Variants in RFC3 observed in about 807,000 individuals in gnomAD.
RFC3 encodes the protein replication factor C subunit 3, also known as A1 38 kDa subunit.
RFC3 carries 41 observed loss-of-function variants against 45.1 expected under a neutral mutation model. That is an observed-to-expected ratio of 0.91 (90% CI 0.71 to 1.18). The LOEUF is 1.18. RFC3 is among the 50% of genes most tolerant of loss of function. The pLI is 0.00. For synonymous variants in RFC3, 149 were observed against 144.0 expected (o/e 1.03, Z -0.25); for missense variants, 423 against 428.1 (o/e 0.99, Z 0.10).
chr13:33,888,803 T>C (rs2082544430), intron 8 of RFC3, among the ~76,000 whole-genome samples: 1 of 151,548 alleles, frequency 6.6e-6, no homozygotes, highest in Non-Finnish European at 1.5e-5. Flanking sequence ...TGGAGTACAG[T>C]GGCACAAACT....
At chr13:33,904,969 T>A (rs2082663365) in intron 8 of RFC3, among the ~76,000 whole-genome samples, 2 of 152,046 alleles carry the variant, frequency 1.3e-5, no homozygotes, top group South Asian at 4.1e-4. Context: ...AACAATGGAA[T>A]GATAAATACA....
At chr13:33,949,154 G>A (rs1398153577) in intron 8 of RFC3, among the ~76,000 whole-genome samples, 1 of 152,072 alleles carries the variant, frequency 6.6e-6, no homozygotes, top group African/African-American at 2.4e-5. Flanking sequence ...GAGCATGGGG[G>A]CAGTTTCCCC....
chr13:33,903,004 C>T (rs902780356), intron 8 of RFC3, among the ~76,000 whole-genome samples: 4 of 152,112 alleles, frequency 2.6e-5, no homozygotes, highest in African/African-American at 9.7e-5. Context: ...TCCTGGGCCG[C>T]ATGTGGCCTG....
intron 8 of RFC3, among the ~76,000 whole-genome samples, chr13:33,868,960 C>T (rs1224882545): frequency 2.6e-5 from 4 of 152,134 alleles, no homozygotes; most frequent in Non-Finnish European, 5.9e-5. Flanking sequence ...TGGTACAAAG[C>T]CAGGTGAGAA....
At chr13:33,870,735 T>G (rs1003169547) in intron 8 of RFC3, among the ~76,000 whole-genome samples, 6 of 149,644 alleles carry the variant, frequency 4.0e-5, no homozygotes, top group African/African-American at 1.5e-4. Flanking sequence ...GACCATTGTT[T>G]TTGTTTGTTT....
chr13:33,942,844 T>C (rs2082933225), intron 8 of RFC3, among the ~76,000 whole-genome samples: 2 of 152,180 alleles, frequency 1.3e-5, no homozygotes, highest in Admixed American at 6.6e-5. Context: ...CTAAATTCCC[T>C]GGAGAAAATC....
intron 8 of RFC3, among the ~76,000 whole-genome samples, chr13:33,912,930 G>T (rs1429020154): frequency 6.6e-6 from 1 of 151,994 alleles, no homozygotes; most frequent in East Asian, 1.9e-4. Context: ...ATGAGAGAGA[G>T]AAATCATAGA....
At chr13:33,844,004 T>C (rs2082219113) in intron 8 of RFC3, among the ~76,000 whole-genome samples, 1 of 152,190 alleles carries the variant, frequency 6.6e-6, no homozygotes, top group Admixed American at 6.5e-5. Context: ...AAGCTTCCCA[T>C]CTTGTTGGGT....
At chr13:33,903,700 A>G (rs1354910238) in intron 8 of RFC3, among the ~76,000 whole-genome samples, 1 of 151,992 alleles carries the variant, frequency 6.6e-6, no homozygotes, top group Non-Finnish European at 1.5e-5. Flanking sequence ...CTGCAGTTGT[A>G]TTACTTTCCC....
At chr13:33,918,330 G>A (rs2082746279) in intron 8 of RFC3, among the ~76,000 whole-genome samples, 2 of 152,138 alleles carry the variant, frequency 1.3e-5, no homozygotes, top group South Asian at 4.1e-4. Flanking sequence ...CTTCGCTACA[G>A]TACCAGTCCT....
chr13:33,901,503 A>G (rs897702991), intron 8 of RFC3, among the ~76,000 whole-genome samples: 4 of 152,024 alleles, frequency 2.6e-5, no homozygotes, highest in Non-Finnish European at 5.9e-5. Context: ...TCATGGAGAT[A>G]GAGAGTAGAC....
chr13:33,942,271 A>G (rs2082929335), intron 8 of RFC3, among the ~76,000 whole-genome samples: 3 of 152,142 alleles, frequency 2.0e-5, no homozygotes, highest in Non-Finnish European at 2.9e-5. Flanking sequence ...ATTAGCAACA[A>G]TAATGACTAA....
At chr13:33,843,047 C>T (rs1056806788) in intron 8 of RFC3, among the ~76,000 whole-genome samples, 12 of 152,020 alleles carry the variant, frequency 7.9e-5, no homozygotes, top group Admixed American at 1.3e-4. Context: ...CAAATTATAG[C>T]ACTTAATCAC....
chr13:33,972,874 A>G, the RFC3 span, among the ~76,000 whole-genome samples: 1 of 152,204 alleles, frequency 6.6e-6, no homozygotes, highest in East Asian at 1.9e-4. Context: ...ATGTATACAT[A>G]AAGAGTGCAT....
In RFC3 at chr13:33,957,733, A is replaced by G. The variant is rs573218067; in HGVS notation, c.880-8354A>G. On this transcript the variant is annotated intron_variant, in intron 8 of 8. Coordinates refer to the RFC3 transcript ENST00000434425. ...AGCCCACTGCATTGATTGGCCCAGA[A>G]CCCAATGTAGTCAAACGTGAAGGTC... Among the ~76,000 whole-genome samples the G allele has an allele frequency of 7.9e-5, 12 of 152,208 alleles. No individual in the cohort carries two copies. In the South Asian group the frequency reaches 1.5e-3, roughly 18 times the overall value.
chr13:33,945,161 C>T (rs2082947362), intron 8 of RFC3, among the ~76,000 whole-genome samples: 2 of 152,180 alleles, frequency 1.3e-5, no homozygotes, highest in African/African-American at 4.8e-5. Flanking sequence ...GCCTTTGCCT[C>T]ATATTCTTTC....
At chr13:33,930,501 C>T (rs1434638781) in intron 8 of RFC3, among the ~76,000 whole-genome samples, 1 of 152,124 alleles carries the variant, frequency 6.6e-6, no homozygotes, top group Non-Finnish European at 1.5e-5. Flanking sequence ...TTATACTAGC[C>T]AGGCTGGCAG....
downstream of RFC3, among the ~76,000 whole-genome samples, chr13:33,969,645 C>T (rs1303471652): frequency 2.0e-5 from 3 of 152,092 alleles, no homozygotes; most frequent in African/African-American, 7.2e-5. Flanking sequence ...TAGAAGAGCA[C>T]AATAGAAAGA....
chr13:33,937,473 A>G (rs536500014), intron 8 of RFC3, among the ~76,000 whole-genome samples: 22 of 152,300 alleles, frequency 1.4e-4, no homozygotes, highest in African/African-American at 3.6e-4. Context: ...TATATTACCA[A>G]TGAATTACTG....
Sources: gnomAD v4.1 joint callset for allele counts (sites outside exome capture counted in the v4.1 genomes callset) on GRCh38, gnomAD v4.1.1 for gene constraint, MANE v1.5 for transcripts, NCBI Gene and HGNC (gene_info 2026-07-23, HGNC 2026-07-21) for gene names.